Variants in MGAT4A observed in about 807,000 individuals in gnomAD.
The protein encoded by MGAT4A is alpha-1,3-mannosyl-glycoprotein 4-beta-N-acetylglucosaminyltransferase A, also known as N-acetylglucosaminyltransferase IVa.
A neutral mutation model predicts 74.1 loss-of-function variants in MGAT4A; 33 were observed. The ratio of observed to expected loss-of-function variants is 0.45; its 90% CI spans 0.34 to 0.60. MGAT4A has a LOEUF of 0.60. Among genes scored for constraint, MGAT4A ranks in the 20% least tolerant of loss-of-function variants. The pLI is 0.02. For missense variants in MGAT4A, 479 were observed against 628.3 expected (o/e 0.76, Z 2.54); for synonymous variants, 198 against 210.4 (o/e 0.94, Z 0.51).
At chr2:98,632,503 C>T (rs1701255347) in intron 14 of MGAT4A, among the ~76,000 whole-genome samples, 1 of 152,260 alleles carries the variant, frequency 6.6e-6, no homozygotes, top group African/African-American at 2.4e-5. Flanking sequence ...CTGTAGCTAA[C>T]ATCTCTAATT....
intron 2 of MGAT4A, among the ~76,000 whole-genome samples, chr2:98,681,911 A>G (rs1347290306): frequency 6.6e-6 from 1 of 152,244 alleles, no homozygotes; most frequent in East Asian, 1.9e-4. Flanking sequence ...TCCAAAGGGC[A>G]CAGAAAGGCA....
intron 8 of MGAT4A, among the ~76,000 whole-genome samples, chr2:98,653,734 G>A (rs1456606734): frequency 6.6e-6 from 1 of 152,158 alleles, no homozygotes; most frequent in Non-Finnish European, 1.5e-5. Context: ...GGAAAATTCT[G>A]CTGAACACTT....
At chr2:98,642,760 A>T (rs773839843) in intron 10 of MGAT4A, among the ~76,000 whole-genome samples, 12 of 152,242 alleles carry the variant, frequency 7.9e-5, no homozygotes, top group Non-Finnish European at 1.5e-4. Flanking sequence ...AACAATTTAT[A>T]TGTTCAACTA....
intron 10 of MGAT4A, among the ~76,000 whole-genome samples, chr2:98,641,825 T>C (rs1361889540): frequency 2.7e-5 from 4 of 149,994 alleles, no homozygotes; most frequent in Admixed American, 2.0e-4. Flanking sequence ...AAACCTGGTC[T>C]CTACTAAAAA....
At chr2:98,633,628 C>T (rs1293179368) in intron 14 of MGAT4A, among the ~76,000 whole-genome samples, 2 of 152,138 alleles carry the variant, frequency 1.3e-5, no homozygotes, top group Non-Finnish European at 2.9e-5. Context: ...TAGTTCTGTT[C>T]TGTTTGATTA....
chr2:98,701,910 C>A (rs1575275615), intron 2 of MGAT4A, among the ~76,000 whole-genome samples: 1 of 152,140 alleles, frequency 6.6e-6, no homozygotes, highest in Non-Finnish European at 1.5e-5. Flanking sequence ...TGGTGCCTAA[C>A]CCTGGCTGCC....
At chr2:98,639,283 C>CAA (rs200226166) in intron 12 of MGAT4A, among the ~76,000 whole-genome samples, 2 of 128,200 alleles carry the variant, frequency 1.6e-5, no homozygotes, top group South Asian at 2.5e-4. Flanking sequence ...GAGACTGTCT[C>CAA]AAAAAAAAAA....
At chr2:98,678,864 G>A (rs1381114625) in intron 2 of MGAT4A, among the ~76,000 whole-genome samples, 1 of 152,040 alleles carries the variant, frequency 6.6e-6, no homozygotes, top group African/African-American at 2.4e-5. Context: ...AGAGAGATGA[G>A]GCAAAAACTG....
At chr2:98,658,948 A>G (rs1212660354) in intron 5 of MGAT4A, among the ~76,000 whole-genome samples, 1 of 152,196 alleles carries the variant, frequency 6.6e-6, no homozygotes, top group African/African-American at 2.4e-5. Flanking sequence ...TTCACATTTC[A>G]CAAACATTTA....
intron 14 of MGAT4A, among the ~76,000 whole-genome samples, chr2:98,630,794 T>G (rs927973413): frequency 6.6e-6 from 1 of 152,050 alleles, no homozygotes; most frequent in African/African-American, 2.4e-5. Context: ...AAGCAGTGGG[T>G]AGGAGAAGAA....
intron 10 of MGAT4A, among the ~76,000 whole-genome samples, chr2:98,641,544 C>T (rs937834836): frequency 1.4e-5 from 2 of 147,620 alleles, no homozygotes; most frequent in South Asian, 2.1e-4. Context: ...TGGTGGCGGG[C>T]GCCTGCCTGT....
chr2:98,720,375 G>T (rs2104334648), intron 2 of MGAT4A, among the ~76,000 whole-genome samples: 1 of 152,318 alleles, frequency 6.6e-6, no homozygotes, highest in South Asian at 2.1e-4. Flanking sequence ...GGGCAACTTT[G>T]TTTCTGGTCT....
rs749038603 is a variant in MGAT4A, at chr2:98,678,473, T to TAGAAGC, written c.95-8_95-3dup. 45 of 1,565,166 alleles carry TAGAAGC rather than the reference T, an allele frequency of 2.9e-5. No individual in the cohort carries two copies. The African/African-American group carries it at 5.7e-4, about 20-fold the overall frequency. On this transcript the variant is annotated splice_region_variant and splice_polypyrimidine_tract_variant and intron_variant, in intron 2 of 15. Transcript: ENST00000393487. ...CTCGTTGATAAGCAATCAGTTTTTC[T>TAGAAGC]AGAAGCAAAACCAAAACAGTTATAG...
At chr2:98,635,101 TA>T in intron 14 of MGAT4A, 120 bp downstream of exon 14, 1 of 711,530 alleles carries the variant, frequency 1.4e-6, no homozygotes, top group Middle Eastern at 2.4e-4. Context: ...ACAGCACACA[TA>T]AAACCTGGAG....
intron 10 of MGAT4A, among the ~76,000 whole-genome samples, chr2:98,643,592 A>T (rs899935435): frequency 2.0e-5 from 3 of 152,228 alleles, no homozygotes; most frequent in Non-Finnish European, 1.5e-5. Context: ...TGAACAGGAA[A>T]TATGAAGAAA....
chr2:98,712,195 G>A (rs554741568), intron 2 of MGAT4A, among the ~76,000 whole-genome samples: 27 of 152,178 alleles, frequency 1.8e-4, no homozygotes, highest in Non-Finnish European at 3.2e-4. Flanking sequence ...TTAACACAGC[G>A]AATACCTTTC....
intron 2 of MGAT4A, among the ~76,000 whole-genome samples, chr2:98,722,952 C>CT (rs1702698325): frequency 6.6e-6 from 1 of 152,168 alleles, no homozygotes; most frequent in Non-Finnish European, 1.5e-5. Context: ...AGACACGTAA[C>CT]TACTCCTGCC....
rs1575257585 is a variant in MGAT4A at position 98,663,421 on chromosome 2, C to T, written c.404-242G>A. 2.7e-6 allele frequency: 4 copies of T among 1,496,040 alleles called. No individual in the cohort carries two copies. The East Asian group carries it at 9.9e-5, about 37-fold the overall frequency. The allele number at this position is 1,496,040 out of a possible 1,614,324, so 92.7% of individuals were successfully genotyped here. A position where few individuals can be genotyped will look rare whatever the true frequency, so the allele number is the denominator to read the frequency against. On this transcript the variant is annotated intron_variant, in intron 4 of 15. Coordinates refer to ENST00000393487, the MANE Select transcript of MGAT4A (RefSeq NM_012214.3). The stretch of plus-strand genomic sequence containing the variant: ...TAAAAATGAAAGACATTAAACTTCA[C>T]ACTAAAAAATGAATGGCTGCGAAGT...
chr2:98,677,890 A>G (rs1035863625), intron 3 of MGAT4A, among the ~76,000 whole-genome samples: 3 of 143,640 alleles, frequency 2.1e-5, no homozygotes, highest in Non-Finnish European at 4.5e-5. Flanking sequence ...CTTATAAACT[A>G]TTCTACATGA....
Sources: gnomAD v4.1 joint callset for allele counts (sites outside exome capture counted in the v4.1 genomes callset) on GRCh38, gnomAD v4.1.1 for gene constraint, MANE v1.5 for transcripts, NCBI Gene and HGNC (gene_info 2026-07-23, HGNC 2026-07-21) for gene names.